STK33: variants seen among roughly 807,000 people sequenced by gnomAD.
The protein encoded by STK33 is serine/threonine kinase 33, also known as serine/threonine-protein kinase 33.
STK33 carries 52 observed loss-of-function variants against 58.0 expected under a neutral mutation model. The observed-to-expected ratio is 0.90, with a 90% CI of 0.72 to 1.13. The LOEUF (loss-of-function observed/expected upper bound fraction) is 1.13. STK33 is among the 50% of genes most tolerant of loss of function. The pLI, the probability that STK33 is intolerant of heterozygous loss-of-function variation, is 0.00. For missense variants in STK33, 630 were observed against 604.2 expected, an observed-to-expected ratio of 1.04 and a Z score of -0.45; for synonymous variants, 215 against 200.1, an observed-to-expected ratio of 1.07 and a Z score of -0.63.
intron 14 of STK33, among the ~76,000 whole-genome samples, chr11:8,420,480 G>T (rs1027162557): frequency 1.1e-4 from 16 of 152,168 alleles, no homozygotes; most frequent in Non-Finnish European, 2.1e-4. Context: ...AGAATTTCTA[G>T]TGAGAGGTAT....
At chr11:8,364,937 C>CG in the STK33 span, among the ~76,000 whole-genome samples, 1 of 151,706 alleles carries the variant, frequency 6.6e-6, no homozygotes, top group Admixed American at 6.6e-5. Context: ...TGACCCCCCC[C>CG]GCCCCGCCCA....
At chr11:8,539,263 A>AC (rs1955306279) in intron 1 of STK33, among the ~76,000 whole-genome samples, 1 of 152,220 alleles carries the variant, frequency 6.6e-6, no homozygotes, top group African/African-American at 2.4e-5. Flanking sequence ...CCATTATCAT[A>AC]GAGACTTACA....
chr11:8,495,617 T>C (rs1425140048), intron 1 of STK33, among the ~76,000 whole-genome samples: 2 of 152,216 alleles, frequency 1.3e-5, no homozygotes, highest in African/African-American at 4.8e-5. Context: ...CAAAGGATTA[T>C]ACATCATGCT....
At chr11:8,548,266 C>G (rs1259748886) in intron 1 of STK33, among the ~76,000 whole-genome samples, 4 of 151,850 alleles carry the variant, frequency 2.6e-5, no homozygotes, top group African/African-American at 7.3e-5. Context: ...ATCTTTAATG[C>G]ATTTATTTTG....
intron 14 of STK33, among the ~76,000 whole-genome samples, chr11:8,426,808 C>A (rs1942826529): frequency 6.6e-6 from 1 of 152,002 alleles, no homozygotes; most frequent in Non-Finnish European, 1.5e-5. Flanking sequence ...AGTCTCTGCC[C>A]CCTTCCATAT....
chr11:8,345,357 G>GT, the STK33 span, among the ~76,000 whole-genome samples: 2 of 152,224 alleles, frequency 1.3e-5, no homozygotes, highest in Admixed American at 1.3e-4. Context: ...AGAAGAAAAT[G>GT]TAACTAGAGC....
chr11:8,341,240 G>T, the STK33 span, among the ~76,000 whole-genome samples: 3 of 152,262 alleles, frequency 2.0e-5, no homozygotes, highest in East Asian at 5.8e-4. Flanking sequence ...GGTCCTCTTC[G>T]GGGTGGCAGT....
At chr11:8,509,329 T>C (rs565028260) in intron 1 of STK33, among the ~76,000 whole-genome samples, 2 of 152,256 alleles carry the variant, frequency 1.3e-5, no homozygotes, top group South Asian at 4.1e-4. Context: ...TTTGTATGTG[T>C]AGAAATGGTT....
In STK33 at chr11:8,520,666, G is replaced by A. The variant is rs1953331094; in HGVS notation, c.-465-40052C>T. Among the ~76,000 whole-genome samples, 8 of 152,160 alleles carry A rather than the reference G, an allele frequency of 5.3e-5. No individual in the cohort carries two copies. The South Asian group carries it at 6.2e-4, about 12-fold the overall frequency. On this transcript the variant is annotated intron_variant, in intron 1 of 15. Transcript: ENST00000687296. ...CAAAGTCTCAGTATACAAAATCAAC[G>A]GGCAAAAATCACAAGGATTCCTATA...
chr11:8,568,505 C>T (rs1591829924), intron 1 of STK33, among the ~76,000 whole-genome samples: 1 of 152,126 alleles, frequency 6.6e-6, no homozygotes, highest in South Asian at 2.1e-4. Flanking sequence ...TAACATAATT[C>T]GCTCTGCTAT....
chr11:8,448,231 C>T (rs533736813), intron 11 of STK33, among the ~76,000 whole-genome samples: 102 of 152,200 alleles, frequency 6.7e-4, no homozygotes, highest in African/African-American at 2.4e-3. Context: ...AGATTCAATG[C>T]CATCCCCATC....
At chr11:8,478,327 C>T (rs759186609) in intron 2 of STK33, among the ~76,000 whole-genome samples, 1 of 152,094 alleles carries the variant, frequency 6.6e-6, no homozygotes, top group Non-Finnish European at 1.5e-5. Flanking sequence ...ACCAAAGAAT[C>T]TTCTAATACA....
At position 8,413,607 on chromosome 11, in the gene STK33, T is replaced by C; in HGVS notation, c.1232A>G (p.Asn411Ser). The C allele has an allele frequency of 6.2e-7, 1 of 1,614,074 alleles. No individual in the cohort carries two copies. The highest frequency in any genetic ancestry group is 8.5e-7 in the Non-Finnish European group (1 of 1,179,956). Residue 411 changes from asparagine (N) to serine (S), a missense_variant, in exon 15 of 16, where the codon AAC becomes AGC. Coordinates refer to ENST00000687296, the MANE Select transcript of STK33 (RefSeq NM_001352389.2). ...WKNNPESVEE[N>S]TTEEKNKPST... is the part of the protein sequence containing the mutation. Reference sequence around the variant, plus strand: ...CGGCTTATTCTTCTCTTCTGTTGTGTTTTCCTCAACACTTTCTGGGTTATT... The same window carrying C: ...CGGCTTATTCTTCTCTTCTGTTGTGCTTTCCTCAACACTTTCTGGGTTATT...
intron 14 of STK33, among the ~76,000 whole-genome samples, chr11:8,423,179 T>C (rs1041984570): frequency 1.3e-5 from 2 of 148,240 alleles, no homozygotes; most frequent in African/African-American, 5.1e-5. Context: ...CAAAGATTTA[T>C]TTATTTTGTT....
intron 15 of STK33, among the ~76,000 whole-genome samples, chr11:8,411,148 C>G (rs1940168206): frequency 6.6e-6 from 1 of 152,206 alleles, no homozygotes. Context: ...CTGATAAAGA[C>G]TTTGTCTTAG....
At chr11:8,383,176 T>C in the STK33 span, among the ~76,000 whole-genome samples, 1 of 152,092 alleles carries the variant, frequency 6.6e-6, no homozygotes, top group Non-Finnish European at 1.5e-5. Flanking sequence ...TGAACTAGAA[T>C]GAAGGGCCTA....
Position 8,534,566 on chromosome 11 carries a change from C to CTGTGTGTG in STK33, c.-465-53953_-465-53952insCACACACA, listed in dbSNP as rs1248207752. Reference sequence around the variant, plus strand: ...TCTCTCTCTCTCTCTCTCTCTCTCTCTCTGTGTGTGTGTGTGTGTGTGTGT... The same window carrying CTGTGTGTG: ...TCTCTCTCTCTCTCTCTCTCTCTCTCTGTGTGTGTCTGTGTGTGTGTGTGTGTGTGTGT... On this transcript the variant is annotated intron_variant, in intron 1 of 15. Transcript: ENST00000687296. Among the ~76,000 whole-genome samples the CTGTGTGTG allele has an allele frequency of 1.2e-3, 123 of 106,466 alleles. 1 individual carries two copies. The highest frequency in any genetic ancestry group is 8.1e-4 in the Non-Finnish European group (43 of 52,990). 69.8% of individuals were successfully genotyped at this position (106,466 alleles called of 152,430 possible).
chr11:8,419,059 G>A (rs1201446812), intron 14 of STK33, among the ~76,000 whole-genome samples: 1 of 151,780 alleles, frequency 6.6e-6, no homozygotes, highest in Admixed American at 6.6e-5. Context: ...ATAGTTTCTT[G>A]TACTGTACAG....
downstream of STK33, among the ~76,000 whole-genome samples, chr11:8,390,783 G>C (rs907123588): frequency 2.0e-5 from 3 of 152,224 alleles, no homozygotes; most frequent in Non-Finnish European, 2.9e-5. Context: ...TTAGTGGTTA[G>C]TTCTGGACCT....
Sources: allele counts gnomAD v4.1 joint callset (sites outside exome capture counted in the v4.1 genomes callset), GRCh38; gene constraint gnomAD v4.1.1; transcripts MANE v1.5; gene names NCBI Gene and HGNC (gene_info 2026-07-23, HGNC 2026-07-21).